The following CUL2 variants were observed in gnomAD, a reference collection of about 807,000 sequenced individuals.
The protein encoded by CUL2 is cullin-2.
In CUL2, 22 loss-of-function variants were observed where a neutral mutation model predicts 110.2. That is an observed-to-expected ratio of 0.20 (90% CI 0.14 to 0.28). The LOEUF is 0.28. Ranked by LOEUF, CUL2 falls within the 10% of genes least tolerant of loss-of-function variation. The pLI is 1.00. For missense variants in CUL2, 631 were observed against 905.5 expected (o/e 0.70, Z 3.89); for synonymous variants, 279 against 293.2 (o/e 0.95, Z 0.49).
intron 1 of CUL2, among the ~76,000 whole-genome samples, chr10:35,106,488 T>TTTTTTTTTC (rs2087458518): frequency 1.9e-5 from 2 of 106,332 alleles, no homozygotes; most frequent in Non-Finnish European, 4.4e-5. Context: ...CCCGGCTAAT[T>TTTTTTTTTC]TTTTTTTTTC....
chr10:35,113,523 A>AT, intron 1 of CUL2, among the ~76,000 whole-genome samples: 1 of 148,854 alleles, frequency 6.7e-6, no homozygotes, highest in African/African-American at 2.5e-5. Flanking sequence ...AAAAAAAAAA[A>AT]AAAAAAATTC....
At chr10:35,014,362 C>T (rs1311807456) in intron 18 of CUL2, among the ~76,000 whole-genome samples, 2 of 152,158 alleles carry the variant, frequency 1.3e-5, no homozygotes, top group Non-Finnish European at 2.9e-5. Flanking sequence ...GTGGCCTTTG[C>T]TCAGGGGAAA....
At chr10:35,021,121 G>A (rs1458012247) in intron 17 of CUL2, among the ~76,000 whole-genome samples, 1 of 151,876 alleles carries the variant, frequency 6.6e-6, no homozygotes, top group Non-Finnish European at 1.5e-5. Flanking sequence ...TTAGGGGTTA[G>A]AGCTTCAACA....
intron 1 of CUL2, among the ~76,000 whole-genome samples, chr10:35,101,397 C>G (rs1226756535): frequency 2.0e-5 from 3 of 152,208 alleles, no homozygotes; most frequent in African/African-American, 7.2e-5. Flanking sequence ...GTACCAACAT[C>G]TAGCCATACA....
upstream of CUL2, among the ~76,000 whole-genome samples, chr10:35,091,872 C>T (rs985188623): frequency 3.9e-5 from 6 of 152,140 alleles, no homozygotes; most frequent in Non-Finnish European, 5.9e-5. Context: ...AGGCAATCCA[C>T]CCACCTCAGC....
At chr10:35,013,494 C>T (rs529942691) in intron 19 of CUL2, among the ~76,000 whole-genome samples, 1 of 152,238 alleles carries the variant, frequency 6.6e-6, no homozygotes. Flanking sequence ...CAAAACCATA[C>T]CCTTTTCCTT....
At chr10:35,103,336 TTTTTTTGAGACGGAG>T in intron 1 of CUL2, among the ~76,000 whole-genome samples, 2 of 144,722 alleles carry the variant, frequency 1.4e-5, no homozygotes, top group Non-Finnish European at 1.5e-5. Context: ...TTTTTTTATT[TTTTTTTGAGACGGAG>T]TTTCGCTCTG....
chr10:35,071,425 G>C (rs554518541), intron 1 of CUL2, 86 bp from the exon 2 acceptor site: 2 of 1,241,688 alleles, frequency 1.6e-6, no homozygotes, highest in African/African-American at 1.5e-5. Context: ...TTTGCTTTGA[G>C]ACGGAGTCTC....
chr10:35,017,830 T>C (rs1170296066), intron 17 of CUL2, among the ~76,000 whole-genome samples: 2 of 145,410 alleles, frequency 1.4e-5, no homozygotes, highest in Non-Finnish European at 1.5e-5. Flanking sequence ...TCATAATGAA[T>C]AATATGGCAA....
rs543227477 is a variant in CUL2 at position 35,115,248 on chromosome 10, T to C, written c.-51+11357A>G. On this transcript the variant is annotated intron_variant, in intron 1 of 5. Coordinates refer to the CUL2 transcript ENST00000685421. ...GCAAGATTCTGTCTAAAAAATAAAA[T>C]AAAAATAAAATGGAGCACAAAGAGA... Among the ~76,000 whole-genome samples the C allele has an allele frequency of 1.5e-4, 22 of 146,396 alleles. No homozygotes were observed. The South Asian group carries it at 4.8e-3, about 32-fold the overall frequency.
At chr10:35,022,560 T>G (rs1167344725) in intron 17 of CUL2, among the ~76,000 whole-genome samples, 1 of 152,170 alleles carries the variant, frequency 6.6e-6, no homozygotes, top group African/African-American at 2.4e-5. Context: ...AGGCCATATA[T>G]GGGTAATCTA....
At chr10:35,050,087 C>T (rs1231015483) in intron 5 of CUL2, among the ~76,000 whole-genome samples, 1 of 151,980 alleles carries the variant, frequency 6.6e-6, no homozygotes, top group Non-Finnish European at 1.5e-5. Context: ...CTTTGGGAGG[C>T]CAAGGTGGGC....
intron 1 of CUL2, among the ~76,000 whole-genome samples, chr10:35,122,449 C>CAGA (rs2135150588): frequency 6.6e-6 from 1 of 152,234 alleles, no homozygotes; most frequent in Admixed American, 6.5e-5. Flanking sequence ...TTTATTTTGA[C>CAGA]TTCTAAGTTC....
chr10:35,079,080 G>C (rs997059722), intron 1 of CUL2, among the ~76,000 whole-genome samples: 1 of 152,114 alleles, frequency 6.6e-6, no homozygotes, highest in Non-Finnish European at 1.5e-5. Context: ...AGGAATGCCC[G>C]AAACTATGTT....
At chr10:35,081,753 T>A in intron 1 of CUL2, among the ~76,000 whole-genome samples, 1 of 152,050 alleles carries the variant, frequency 6.6e-6, no homozygotes. Context: ...ATCAGCCAGG[T>A]GTGGTGGCAT....
At chr10:35,122,911 G>C (rs757018756) in intron 1 of CUL2, among the ~76,000 whole-genome samples, 6 of 152,200 alleles carry the variant, frequency 3.9e-5, no homozygotes, top group Non-Finnish European at 5.9e-5. Flanking sequence ...CAATGTGCTA[G>C]AATTATAGGC....
intron 9 of CUL2, among the ~76,000 whole-genome samples, chr10:35,038,323 A>G (rs1412304017): frequency 6.6e-6 from 1 of 151,560 alleles, no homozygotes; most frequent in Non-Finnish European, 1.5e-5. Context: ...CAGGAGTCCG[A>G]GACCAGCCTG....
At chr10:35,057,005 C>T (rs572667871) in intron 4 of CUL2, among the ~76,000 whole-genome samples, 4 of 152,342 alleles carry the variant, frequency 2.6e-5, no homozygotes, top group East Asian at 1.9e-4. Context: ...CTGGGCTCTA[C>T]TTCAGTTTCT....
At chr10:35,121,742 C>T (rs936196668) in intron 1 of CUL2, among the ~76,000 whole-genome samples, 3 of 149,236 alleles carry the variant, frequency 2.0e-5, no homozygotes, top group Non-Finnish European at 3.0e-5. Flanking sequence ...CCCGGGAGGT[C>T]GAGGCTACAG....
Sources: allele counts gnomAD v4.1 joint callset (sites outside exome capture counted in the v4.1 genomes callset), GRCh38; gene constraint gnomAD v4.1.1; transcripts MANE v1.5; gene names NCBI Gene and HGNC (gene_info 2026-07-23, HGNC 2026-07-21).